ASIC2: variants seen among roughly 807,000 people sequenced by gnomAD.
ASIC2 encodes the protein acid sensing ion channel subunit 2.
A neutral mutation model predicts 57.3 loss-of-function variants in ASIC2; 25 were observed. That is an observed-to-expected ratio of 0.44 (90% CI 0.32 to 0.61). The LOEUF (loss-of-function observed/expected upper bound fraction) is 0.61. Ranked by LOEUF, ASIC2 falls within the 20% of genes least tolerant of loss-of-function variation. The pLI is 0.06. For missense variants in ASIC2, 641 were observed against 738.1 expected (o/e 0.87, Z 1.52); for synonymous variants, 319 against 307.5 (o/e 1.04, Z -0.39).
intron 1 of ASIC2, among the ~76,000 whole-genome samples, chr17:33,543,161 A>T (rs1267461772): frequency 6.8e-6 from 1 of 146,548 alleles, no homozygotes; most frequent in Non-Finnish European, 1.5e-5. Context: ...GGGGAGGGAT[A>T]GCATTGGGAG....
intron 1 of ASIC2, among the ~76,000 whole-genome samples, chr17:33,769,432 A>G (rs1203064836): frequency 6.6e-6 from 1 of 152,196 alleles, no homozygotes; most frequent in African/African-American, 2.4e-5. Context: ...AAGTAGACGG[A>G]GTGCCCCTGC....
intron 1 of ASIC2, among the ~76,000 whole-genome samples, chr17:33,587,271 A>G (rs1235784538): frequency 6.6e-6 from 1 of 152,250 alleles, no homozygotes; most frequent in African/African-American, 2.4e-5. Flanking sequence ...GGCTTAAACC[A>G]TAACCCTAAC....
chr17:33,278,199 ATT>A (rs58668822), intron 1 of ASIC2, among the ~76,000 whole-genome samples: 69 of 137,404 alleles, frequency 5.0e-4, no homozygotes, highest in African/African-American at 7.5e-4. Flanking sequence ...GCCCTTATTC[ATT>A]TTTTTTTTTT....
intron 1 of ASIC2, among the ~76,000 whole-genome samples, chr17:33,909,389 C>G (rs1395705017): frequency 1.3e-5 from 2 of 152,202 alleles, no homozygotes; most frequent in Non-Finnish European, 2.9e-5. Context: ...ATTTTGGCTT[C>G]CTGGGGTGAG....
At chr17:33,284,054 T>G (rs1024830040) in intron 1 of ASIC2, among the ~76,000 whole-genome samples, 7 of 152,112 alleles carry the variant, frequency 4.6e-5, no homozygotes, top group African/African-American at 1.7e-4. Flanking sequence ...AAATAATGAA[T>G]GTAAAAGTGT....
intron 1 of ASIC2, among the ~76,000 whole-genome samples, chr17:33,626,375 T>C (rs975660680): frequency 2.6e-5 from 4 of 152,250 alleles, no homozygotes; most frequent in African/African-American, 9.6e-5. Flanking sequence ...TATCATAATT[T>C]GGTTAATTAT....
At chr17:33,181,454 T>A (rs1306481044) in intron 1 of ASIC2, among the ~76,000 whole-genome samples, 5 of 152,174 alleles carry the variant, frequency 3.3e-5, no homozygotes, top group African/African-American at 9.7e-5. Flanking sequence ...TCACAGTTCT[T>A]GAGCACAGAA....
intron 1 of ASIC2, among the ~76,000 whole-genome samples, chr17:33,479,179 A>C (rs1913322753): frequency 6.6e-6 from 1 of 151,818 alleles, no homozygotes; most frequent in African/African-American, 2.4e-5. Context: ...TTGTGTTTTT[A>C]ATAGAGATGG....
intron 1 of ASIC2, among the ~76,000 whole-genome samples, chr17:33,906,007 T>C (rs1915339018): frequency 8.8e-6 from 1 of 113,712 alleles, no homozygotes; most frequent in South Asian, 3.4e-4. Flanking sequence ...TTAATTTTAA[T>C]TAAATTTTTT....
intron 2 of ASIC2, among the ~76,000 whole-genome samples, chr17:33,110,733 G>T (rs1451741960): frequency 6.6e-6 from 1 of 152,152 alleles, no homozygotes; most frequent in Non-Finnish European, 1.5e-5. Context: ...GGTATGGTGA[G>T]TGCCAGACTC....
At chr17:33,040,217 C>T (rs931816358) in intron 3 of ASIC2, among the ~76,000 whole-genome samples, 1 of 152,186 alleles carries the variant, frequency 6.6e-6, no homozygotes, top group African/African-American at 2.4e-5. Context: ...GGCTGGAGCC[C>T]ACCTGGCCAT....
At chr17:33,167,458 C>T (rs1470258626) in intron 1 of ASIC2, among the ~76,000 whole-genome samples, 1 of 152,172 alleles carries the variant, frequency 6.6e-6, no homozygotes, top group East Asian at 1.9e-4. Context: ...ATCATTGTCG[C>T]AGCCTTTGAA....
At chr17:33,427,603 G>A (rs974266332) in intron 1 of ASIC2, among the ~76,000 whole-genome samples, 1 of 152,144 alleles carries the variant, frequency 6.6e-6, no homozygotes, top group African/African-American at 2.4e-5. Context: ...GGAGTTTAAG[G>A]CTTTAAATCT....
chr17:33,045,180 G>A (rs2141922094), intron 3 of ASIC2, among the ~76,000 whole-genome samples: 1 of 152,190 alleles, frequency 6.6e-6, no homozygotes, highest in Middle Eastern at 3.4e-3. Context: ...CGCACTAGTA[G>A]GTATCACCCT....
intron 1 of ASIC2, among the ~76,000 whole-genome samples, chr17:34,099,613 G>T (rs550612153): frequency 5.6e-4 from 64 of 114,696 alleles, no homozygotes; most frequent in Middle Eastern, 6.8e-3. Flanking sequence ...GAGAGAAAGA[G>T]GAAAGAAAGA....
chr17:34,147,973 T>A (rs1904357426), intron 1 of ASIC2, among the ~76,000 whole-genome samples: 1 of 152,156 alleles, frequency 6.6e-6, no homozygotes, highest in Admixed American at 6.6e-5. Flanking sequence ...TCTCAGCTCT[T>A]ACAAAAGAAA....
chr17:34,107,110 A>G lies in ASIC2; in HGVS notation c.555+48868T>C, dbSNP rs146793348. ...ATATTTAGAGATATCTCCAGTTCCA[A>G]TCCATCCTCAGGATTATTTTGTGAC... On this transcript the variant is annotated intron_variant, in intron 1 of 9. Transcript: ENST00000359872. Among the ~76,000 whole-genome samples, 12 of 152,234 alleles carry G rather than the reference A, an allele frequency of 7.9e-5. No individual in the cohort carries two copies. In the East Asian group the frequency reaches 2.3e-3, roughly 29 times the overall value.
intron 1 of ASIC2, among the ~76,000 whole-genome samples, chr17:34,085,611 T>C (rs1910085913): frequency 6.6e-6 from 1 of 152,200 alleles, no homozygotes; most frequent in African/African-American, 2.4e-5. Context: ...TCAGAAGGAA[T>C]GGTACCAGTT....
chr17:33,789,895 A>G (rs1247227325), intron 1 of ASIC2, among the ~76,000 whole-genome samples: 1 of 152,216 alleles, frequency 6.6e-6, no homozygotes, highest in Non-Finnish European at 1.5e-5. Context: ...TGTCAAGTCC[A>G]GGGCCCAGGT....
Sources: allele counts gnomAD v4.1 joint callset (sites outside exome capture counted in the v4.1 genomes callset), GRCh38; gene constraint gnomAD v4.1.1; transcripts MANE v1.5; gene names NCBI Gene and HGNC (gene_info 2026-07-23, HGNC 2026-07-21).